EPHB1: variants seen among roughly 807,000 people sequenced by gnomAD.
The protein encoded by EPHB1 is EPH receptor B1, also known as ephrin type-B receptor 1.
A neutral mutation model predicts 94.4 loss-of-function variants in EPHB1; 30 were observed. That is an observed-to-expected ratio of 0.32 (90% CI 0.24 to 0.43). The LOEUF is 0.43. Among genes scored for constraint, EPHB1 ranks in the 20% least tolerant of loss-of-function variants. The pLI, the probability that EPHB1 is intolerant of heterozygous loss-of-function variation, is 1.00. For missense variants in EPHB1, 1,055 were observed against 1,308.3 expected, an observed-to-expected ratio of 0.81 and a Z score of 2.99; for synonymous variants, 522 against 489.1, an observed-to-expected ratio of 1.07 and a Z score of -0.89.
chr3:134,877,332 G>A (rs911912167), intron 1 of EPHB1, among the ~76,000 whole-genome samples: 3 of 152,200 alleles, frequency 2.0e-5, no homozygotes, highest in Admixed American at 6.5e-5. Context: ...TATTGTAGGC[G>A]CTGGGCCCTT....
At chr3:134,919,839 GGGGTGT>G (rs1045229979) in intron 1 of EPHB1, among the ~76,000 whole-genome samples, 2 of 137,006 alleles carry the variant, frequency 1.5e-5, no homozygotes, top group African/African-American at 5.4e-5. Flanking sequence ...TCTTAGGGCA[GGGGTGT>G]GTGTGTGTGT....
intron 3 of EPHB1, among the ~76,000 whole-genome samples, chr3:135,104,889 G>A (rs1386548977): frequency 6.6e-6 from 1 of 152,214 alleles, no homozygotes; most frequent in Non-Finnish European, 1.5e-5. Flanking sequence ...AACTTTCACA[G>A]CATAGGAAAC....
chr3:134,827,385 A>C (rs2036503100), intron 1 of EPHB1, among the ~76,000 whole-genome samples: 2 of 152,034 alleles, frequency 1.3e-5, no homozygotes, highest in Admixed American at 1.3e-4. Flanking sequence ...ACACACACAC[A>C]CACATACACA....
At chr3:135,252,612 T>C (rs535246477) in intron 15 of EPHB1, among the ~76,000 whole-genome samples, 2 of 146,758 alleles carry the variant, frequency 1.4e-5, no homozygotes, top group South Asian at 4.7e-4. Flanking sequence ...ATCCAGTCTA[T>C]CATTGTTGGA....
At position 134,903,282 on chromosome 3, in the gene EPHB1, C is replaced by T. The variant is rs551706346; in HGVS notation, c.59-22534C>T. Among the ~76,000 whole-genome samples, 7 of 152,316 alleles carry T rather than the reference C, an allele frequency of 4.6e-5. No individual in the cohort carries two copies. The East Asian group carries it at 1.4e-3, about 29-fold the overall frequency. On this transcript the variant is annotated intron_variant, in intron 1 of 15. Transcript: ENST00000398015. ...GGCTCTGAGAGCCTGCTCAGGGCTCCAGTCTGGGCTCCTGCATTCCAGGCA... is the reference window on the plus strand; with the variant it reads ...GGCTCTGAGAGCCTGCTCAGGGCTCTAGTCTGGGCTCCTGCATTCCAGGCA...
chr3:135,136,008 A>G (rs139357225), intron 5 of EPHB1, among the ~76,000 whole-genome samples: 65 of 152,254 alleles, frequency 4.3e-4, no homozygotes, highest in Non-Finnish European at 7.9e-4. Flanking sequence ...TATTGTTCCT[A>G]TTTTTCTAAT....
chr3:134,931,229 G>A (rs1213959011), intron 2 of EPHB1, among the ~76,000 whole-genome samples: 1 of 152,204 alleles, frequency 6.6e-6, no homozygotes, highest in Non-Finnish European at 1.5e-5. Flanking sequence ...ATAATAAAGG[G>A]GACCAGGACA....
At chr3:134,925,431 C>T (rs1180723652) in intron 1 of EPHB1, among the ~76,000 whole-genome samples, 1 of 152,192 alleles carries the variant, frequency 6.6e-6, no homozygotes, top group African/African-American at 2.4e-5. Context: ...AAGGAATTAA[C>T]TTTGGCTACT....
At chr3:135,064,124 A>G (rs1037841781) in intron 3 of EPHB1, among the ~76,000 whole-genome samples, 1 of 152,110 alleles carries the variant, frequency 6.6e-6, no homozygotes, top group East Asian at 1.9e-4. Context: ...TTTAGCATGT[A>G]TGTTCATCAC....
chr3:134,798,463 G>T (rs1352699651), intron 1 of EPHB1, among the ~76,000 whole-genome samples: 1 of 152,172 alleles, frequency 6.6e-6, no homozygotes, highest in Non-Finnish European at 1.5e-5. Context: ...CTGAAAAAAA[G>T]CTCCTCTTCC....
At chr3:135,000,711 G>C (rs935653193) in intron 3 of EPHB1, among the ~76,000 whole-genome samples, 3 of 152,168 alleles carry the variant, frequency 2.0e-5, no homozygotes, top group African/African-American at 7.2e-5. Context: ...GGCCCGTCTT[G>C]CATGGTTCTG....
rs78353324 is a variant in EPHB1 at position 134,805,795 on chromosome 3, C to A, written c.58+10106C>A. Among the ~76,000 whole-genome samples the A allele has an allele frequency of 7.2e-5, 11 of 152,266 alleles. 1 individual carries two copies. In the East Asian group the frequency reaches 2.1e-3, roughly 29 times the overall value. ...ATTCTTCAGAATTCACCACAGTGATCGCTTCCTCCTGGAAGGCTTTCTCCT... is the reference window on the plus strand; with the variant it reads ...ATTCTTCAGAATTCACCACAGTGATAGCTTCCTCCTGGAAGGCTTTCTCCT... On this transcript the variant is annotated intron_variant, in intron 1 of 15. Coordinates refer to ENST00000398015, the MANE Select transcript of EPHB1 (RefSeq NM_004441.5).
At chr3:134,926,497 A>G (rs959714119) in intron 2 of EPHB1, among the ~76,000 whole-genome samples, 5 of 152,212 alleles carry the variant, frequency 3.3e-5, no homozygotes, top group African/African-American at 9.6e-5. Context: ...TTAGAGCATG[A>G]GTAGGAGATT....
At chr3:134,806,317 C>T (rs761571781) in intron 1 of EPHB1, among the ~76,000 whole-genome samples, 2 of 152,140 alleles carry the variant, frequency 1.3e-5, no homozygotes, top group African/African-American at 4.8e-5. Flanking sequence ...AAATACTTGC[C>T]GTTGTCACCC....
At chr3:135,110,891 G>A (rs1266280310) in intron 4 of EPHB1, among the ~76,000 whole-genome samples, 1 of 152,150 alleles carries the variant, frequency 6.6e-6, no homozygotes, top group Admixed American at 6.5e-5. Context: ...TGGTGTCCCT[G>A]TGGCATAAGG....
chr3:134,922,848 G>C (rs2038715423), intron 1 of EPHB1, among the ~76,000 whole-genome samples: 1 of 152,214 alleles, frequency 6.6e-6, no homozygotes, highest in Admixed American at 6.5e-5. Context: ...GTGGGAAACT[G>C]TGTGACTTGA....
intron 2 of EPHB1, among the ~76,000 whole-genome samples, chr3:134,930,534 A>G (rs973350139): frequency 7.2e-5 from 11 of 152,198 alleles, no homozygotes; most frequent in Non-Finnish European, 1.3e-4. Context: ...GCTGGCTTCT[A>G]GCCCTGGCCT....
At position 135,217,231 on chromosome 3, in the gene EPHB1, G is replaced by A. The variant is rs529666844; in HGVS notation, c.2346+15542G>A. On this transcript the variant is annotated intron_variant, in intron 12 of 15. Transcript: ENST00000398015. ...CCACCACTGTCCCTGGTAGCAGCAG[G>A]GCACTGAGGGCAGTGCTGAGGATAG... is the stretch of plus-strand genomic sequence containing the variant. Among the ~76,000 whole-genome samples, 26 of 152,154 alleles carry A rather than the reference G, an allele frequency of 1.7e-4. No homozygotes were observed. In the Middle Eastern group the frequency reaches 0.01, roughly 60 times the overall value.
chr3:135,159,563 C>G (rs1941452054), intron 6 of EPHB1, among the ~76,000 whole-genome samples: 1 of 152,222 alleles, frequency 6.6e-6, no homozygotes, highest in Admixed American at 6.5e-5. Context: ...TCCACTGTGT[C>G]AAAGTAGAAA....
Sources: allele counts gnomAD v4.1 joint callset (sites outside exome capture counted in the v4.1 genomes callset), GRCh38; gene constraint gnomAD v4.1.1; transcripts MANE v1.5; gene names NCBI Gene and HGNC (gene_info 2026-07-23, HGNC 2026-07-21).